REDIC1: variants seen among roughly 807,000 people sequenced by gnomAD.
REDIC1 encodes the protein HEI10 Interacting Protein 1.
chr12:39,871,787 C>T, the REDIC1 span: 17 of 1,580,618 alleles, frequency 1.1e-5, no homozygotes, highest in South Asian at 9.4e-5. Context: ...ATTCTTTATC[C>T]AGCCACCTAC....
At chr12:39,825,649 C>T in the REDIC1 span, among the ~76,000 whole-genome samples, 2 of 152,124 alleles carry the variant, frequency 1.3e-5, no homozygotes, top group African/African-American at 2.4e-5. Context: ...ATTTAAAAAT[C>T]TTTACTATCC....
At chr12:39,739,107 C>G in the REDIC1 span, among the ~76,000 whole-genome samples, 10 of 151,982 alleles carry the variant, frequency 6.6e-5, no homozygotes, top group South Asian at 1.9e-3. Context: ...TTATTATTTC[C>G]TTGGGCTGCT....
chr12:39,906,482 C>G, the REDIC1 span, among the ~76,000 whole-genome samples: 1 of 152,072 alleles, frequency 6.6e-6, no homozygotes, highest in Non-Finnish European at 1.5e-5. Context: ...CAGCATTTAA[C>G]ACACTTGTCC....
chr12:39,855,504 A>G, the REDIC1 span, among the ~76,000 whole-genome samples: 1 of 152,198 alleles, frequency 6.6e-6, no homozygotes, highest in Non-Finnish European at 1.5e-5. Flanking sequence ...AGCCTTCATT[A>G]CACTGTTTTG....
At chr12:39,863,755 A>AT in the REDIC1 span, among the ~76,000 whole-genome samples, 1 of 152,114 alleles carries the variant, frequency 6.6e-6, no homozygotes, top group Non-Finnish European at 1.5e-5. Context: ...TATGATGCCT[A>AT]TTTTCCAAAG....
the REDIC1 span, among the ~76,000 whole-genome samples, chr12:39,672,414 AG>A: frequency 1.3e-5 from 2 of 152,002 alleles, no homozygotes; most frequent in African/African-American, 4.8e-5. Context: ...CTCTGCTGCT[AG>A]GGGGAGGCAG....
the REDIC1 span, among the ~76,000 whole-genome samples, chr12:39,663,793 T>C: frequency 6.7e-6 from 1 of 149,152 alleles, no homozygotes; most frequent in African/African-American, 2.5e-5. Context: ...ATATCATCCC[T>C]TCACTTTGAG....
chr12:39,632,708 G>A, the REDIC1 span, among the ~76,000 whole-genome samples: 81 of 152,200 alleles, frequency 5.3e-4, no homozygotes, highest in African/African-American at 2.0e-3. Context: ...ACACACCTAT[G>A]CTATATGGTA....
the REDIC1 span, among the ~76,000 whole-genome samples, chr12:39,633,793 G>A: frequency 3.3e-5 from 5 of 152,078 alleles, no homozygotes; most frequent in African/African-American, 9.7e-5. Context: ...CCATCGTTAC[G>A]CAGTGTGTGA....
the REDIC1 span, among the ~76,000 whole-genome samples, chr12:39,903,159 C>A: frequency 2.0e-5 from 3 of 152,110 alleles, no homozygotes; most frequent in Non-Finnish European, 4.4e-5. Flanking sequence ...TAGGCCTAAT[C>A]ATACAGAAAA....
chr12:39,638,491 G>T, the REDIC1 span, among the ~76,000 whole-genome samples: 1 of 152,018 alleles, frequency 6.6e-6, no homozygotes, highest in East Asian at 1.9e-4. Flanking sequence ...CTTCTCAGCA[G>T]ATCTGTTTGG....
chr12:39,693,725 A>ATATT, the REDIC1 span, among the ~76,000 whole-genome samples: 2 of 152,132 alleles, frequency 1.3e-5, no homozygotes, highest in East Asian at 3.8e-4. Flanking sequence ...TATTTCCAGT[A>ATATT]TATTTTTCTT....
At chr12:39,714,044 C>CACATGTATATACACGTATGTGTATAT in the REDIC1 span, among the ~76,000 whole-genome samples, 2 of 21,762 alleles carry the variant, frequency 9.2e-5, 1 homozygote, top group Non-Finnish European at 3.0e-4. Flanking sequence ...CATGTATATA[C>CACATGTATATACACGTATGTGTATAT]ACATGTATAT....
the REDIC1 span, among the ~76,000 whole-genome samples, chr12:39,875,624 T>C: frequency 6.6e-6 from 1 of 152,164 alleles, no homozygotes; most frequent in Non-Finnish European, 1.5e-5. Flanking sequence ...AAGGAAGGAA[T>C]GAAAGACAAG....
the REDIC1 span, among the ~76,000 whole-genome samples, chr12:39,694,788 A>G: frequency 3.0e-4 from 45 of 152,036 alleles, no homozygotes; most frequent in African/African-American, 9.9e-4. Context: ...GAGTGTGGCA[A>G]TCACCCCTCC....
chr12:39,669,620 C>T, the REDIC1 span, among the ~76,000 whole-genome samples: 1 of 152,210 alleles, frequency 6.6e-6, no homozygotes, highest in African/African-American at 2.4e-5. Flanking sequence ...GATTCTGCTG[C>T]CTTTTGTTTG....
the REDIC1 span, among the ~76,000 whole-genome samples, chr12:39,780,603 T>C: frequency 6.6e-6 from 1 of 152,170 alleles, no homozygotes; most frequent in African/African-American, 2.4e-5. Context: ...AAACAATAAT[T>C]AGAACAGAAA....
chr12:39,749,109 CA>C, the REDIC1 span, among the ~76,000 whole-genome samples: 1 of 151,896 alleles, frequency 6.6e-6, no homozygotes, highest in African/African-American at 2.4e-5. Flanking sequence ...AAAAACCCTT[CA>C]AAAAATCAAT....
chr12:39,841,489 A>C, the REDIC1 span, among the ~76,000 whole-genome samples: 24 of 152,222 alleles, frequency 1.6e-4, no homozygotes, highest in East Asian at 2.7e-3. Flanking sequence ...TGAATGTTTG[A>C]TCAACATAGT....
Sources: allele counts gnomAD v4.1 joint callset (sites outside exome capture counted in the v4.1 genomes callset), GRCh38; gene constraint gnomAD v4.1.1; transcripts MANE v1.5; gene names NCBI Gene and HGNC (gene_info 2026-07-23, HGNC 2026-07-21).